The following COQ8B variants were observed in gnomAD, a reference collection of about 807,000 sequenced individuals.
COQ8B encodes atypical kinase COQ8B, mitochondrial.
In COQ8B, 44 loss-of-function variants were observed where a neutral mutation model predicts 62.0. The observed-to-expected ratio is 0.71, with a 90% CI of 0.56 to 0.91. The LOEUF (loss-of-function observed/expected upper bound fraction) is 0.91, where lower values mean the gene tolerates loss of function less well. COQ8B is among the 40% of genes least tolerant of loss of function. The pLI is 0.00. For missense variants in COQ8B, 649 were observed against 731.6 expected, an observed-to-expected ratio of 0.89 and a Z score of 1.30; for synonymous variants, 252 against 289.9, an observed-to-expected ratio of 0.87 and a Z score of 1.33.
In COQ8B at chr19:40,693,029, C is replaced by G. The variant is rs2081986325; in HGVS notation, c.1218G>C (p.Lys406Asn). The G allele has an allele frequency of 3.7e-6, 6 of 1,613,872 alleles. No homozygotes were observed. The South Asian group carries it at 6.6e-5, about 18-fold the overall frequency. ...AGTCTCTGTCTCCATCAGCTGCAGC[C>G]TTCACCACCTGGGGAGACGGGTGGG... ...EFTDHYIEVV[K>N]AAADGDRDCV... The change falls in exon 14 of 15, where the codon AAG (lysine) becomes AAC (asparagine). Residue 406 changes from lysine (K) to asparagine (N), a missense_variant. Physicochemically the swap from Lys to Asn is moderately conservative, Grantham distance 94 (BLOSUM62 0). Coordinates refer to ENST00000324464, the MANE Select transcript of COQ8B (RefSeq NM_024876.4).
rs1599922062 is a variant in COQ8B, at chr19:40,692,387, T to G, written c.1297-14A>C. ...GTCGGAGAATGCCTGGGAGTGGGGG[T>G]GGGGGGAGAGCAAAGGCAGCCAGTG... On this transcript the variant is annotated splice_polypyrimidine_tract_variant and intron_variant, in intron 14 of 14. Transcript: ENST00000324464. 2 of 1,609,406 alleles carry G rather than the reference T, an allele frequency of 1.2e-6. No homozygotes were observed. The highest frequency in any genetic ancestry group is 8.5e-7 in the Non-Finnish European group (1 of 1,178,712).
intron 13 of COQ8B, among the ~76,000 whole-genome samples, chr19:40,694,566 C>T (rs564374035): frequency 1.3e-5 from 2 of 152,152 alleles, no homozygotes; most frequent in East Asian, 3.9e-4. Flanking sequence ...ACGGGTAGCC[C>T]TGGCCTCACA....
chr19:40,696,997 G>A (rs764955691), intron 12 of COQ8B, among the ~76,000 whole-genome samples: 12 of 152,202 alleles, frequency 7.9e-5, no homozygotes, highest in Non-Finnish European at 1.5e-4. Context: ...GCTGTGTAAG[G>A]ACTTCGTTGC....
chr19:40,715,304 CCT>C (rs2082177635), intron 1 of COQ8B: 1 of 986,010 alleles, frequency 1.0e-6, no homozygotes, highest in African/African-American at 1.7e-5. Context: ...GCAAGCGTGC[CCT>C]GTCTGCCCTT....
At chr19:40,700,663 C>A in intron 10 of COQ8B, 1 of 592,732 alleles carries the variant, frequency 1.7e-6, no homozygotes, top group South Asian at 2.4e-5. Flanking sequence ...CTACTCTGCA[C>A]CTGCCTCTCA....
At chr19:40,694,237 T>G (rs552025967) in intron 13 of COQ8B, among the ~76,000 whole-genome samples, 1 of 152,184 alleles carries the variant, frequency 6.6e-6, no homozygotes, top group African/African-American at 2.4e-5. Flanking sequence ...TCTGCTCCCA[T>G]GGACTGCCAG....
rs183997863 is a variant in COQ8B, at chr19:40,710,254, C to A, written c.290-118G>T. The A allele has an allele frequency of 4.0e-4, 412 of 1,025,890 alleles. 2 individuals carry two copies. The African/African-American group carries it at 5.8e-3, about 14-fold the overall frequency. 63.5% of individuals were successfully genotyped at this position (1,025,890 alleles called of 1,614,324 possible). ...TGTCTCCCAACTCTTTTTATTTTTT[C>A]TTTTGTTTGAGATGGAGTCTCGCTC... On this transcript the variant is annotated intron_variant, in intron 4 of 14. Transcript: ENST00000324464.
rs201791035 is a variant in COQ8B, at chr19:40,714,342, C to A, written c.158G>T (p.Gly53Val). 24 of 1,614,160 alleles carry A rather than the reference C, an allele frequency of 1.5e-5. No homozygotes were observed. In the Admixed American group the frequency reaches 4.0e-4, roughly 27 times the overall value. Reference protein sequence around the residue: ...QKFYQDGPGRGLGEEDIRRAR... With the variant: ...QKFYQDGPGRVLGEEDIRRAR... The stretch of plus-strand genomic sequence containing the variant: ...CCTGCGAATGTCCTCCTCACCCAGG[C>A]CTCTCCCAGGCCCATCCTGGTAAAA... Residue 53 changes from glycine (G) to valine (V), a missense_variant, in exon 3 of 15, where the codon GGC becomes GTC. Gly to Val is a moderately radical substitution (Grantham distance 109). Transcript: ENST00000324464.
chr19:40,699,489 C>T (rs964226898), intron 12 of COQ8B, among the ~76,000 whole-genome samples: 1 of 152,174 alleles, frequency 6.6e-6, no homozygotes, highest in African/African-American at 2.4e-5. Flanking sequence ...CAGGTCCCCC[C>T]ACTGGACTGG....
Position 40,691,872 on chromosome 19 carries a change from T to A in COQ8B, c.*163A>T. On this transcript the variant is annotated 3_prime_UTR_variant, in exon 15 of 15. Coordinates refer to ENST00000324464, the MANE Select transcript of COQ8B (RefSeq NM_024876.4). Reference sequence around the variant, plus strand: ...AGGATCTAGGGCACGAAGTTGGGAGTTCCCCAGCCCCAGGGATCCTGAGCT... The same window carrying A: ...AGGATCTAGGGCACGAAGTTGGGAGATCCCCAGCCCCAGGGATCCTGAGCT... 1 of 596,134 alleles carries A rather than the reference T, an allele frequency of 1.7e-6. No individual in the cohort carries two copies. Among genetic ancestry groups the A allele is most frequent in the Non-Finnish European group, 2.6e-6 (1 of 388,442 alleles). The allele number at this position is 596,134 out of a possible 1,614,324, so 36.9% of individuals were successfully genotyped here.
At chr19:40,697,851 T>TATATATAGAG (rs1446181673) in intron 12 of COQ8B, among the ~76,000 whole-genome samples, 2 of 54,754 alleles carry the variant, frequency 3.7e-5, no homozygotes, top group African/African-American at 9.8e-5. Flanking sequence ...TATATATATA[T>TATATATAGAG]AGAGAGAGAG....
At chr19:40,703,400 G>T in intron 9 of COQ8B, 141 bp downstream of exon 9, 3 of 831,686 alleles carry the variant, frequency 3.6e-6, no homozygotes, top group Non-Finnish European at 5.5e-6. Context: ...TCCCCGCCTT[G>T]GTGTCCTTTC....
Position 40,703,320 on chromosome 19 carries a change from C to T in COQ8B, c.799+221G>A, listed in dbSNP as rs2144698740. 3 of 543,502 alleles carry T rather than the reference C, an allele frequency of 5.5e-6. No individual in the cohort carries two copies. The Admixed American group carries it at 1.1e-4, about 19-fold the overall frequency. The allele number at this position is 543,502 out of a possible 1,614,324, so 33.7% of individuals were successfully genotyped here. A position where few individuals can be genotyped will look rare whatever the true frequency, so the allele number is the denominator to read the frequency against. ...TCTGCTGCTGTATCTTGGCCCTGGG[C>T]TCCCGTCTCTCTAAGGCTCTGTTAA... On this transcript the variant is annotated intron_variant, in intron 9 of 14. Transcript: ENST00000324464.
intron 10 of COQ8B, 59 bp downstream of exon 10, chr19:40,702,541 C>A: frequency 1.9e-6 from 3 of 1,545,530 alleles, no homozygotes; most frequent in Non-Finnish European, 2.7e-6. Context: ...GAGGGGGCAG[C>A]TACTTCCCAC....
rs532720699 is a variant in COQ8B, at chr19:40,716,320, A to G, written c.-4+267T>C. On this transcript the variant is annotated intron_variant, in intron 1 of 14. Transcript: ENST00000324464. ...CAGCTCAGCCTTGGGGGCAAAATAT[A>G]TCAAAATCACCTAGGACAATAAATA... Among the ~76,000 whole-genome samples the G allele has an allele frequency of 5.3e-5, 8 of 152,226 alleles. No homozygotes were observed. The South Asian group carries it at 1.4e-3, about 28-fold the overall frequency.
chr19:40,692,428 C>G, intron 14 of COQ8B, 55 bp from the exon 15 acceptor site: 2 of 1,513,354 alleles, frequency 1.3e-6, no homozygotes, highest in Non-Finnish European at 1.8e-6. Context: ...ATAGAGCCCT[C>G]TGCATAACCC....
At chr19:40,715,380 T>A (rs748992165) in intron 1 of COQ8B, 7 of 985,422 alleles carry the variant, frequency 7.1e-6, no homozygotes, top group African/African-American at 1.7e-5. Flanking sequence ...TCTTGCAAAG[T>A]CTCCCTTACA....
chr19:40,710,161 G>C, intron 4 of COQ8B, 25 bp from the exon 5 acceptor site: 1 of 1,612,316 alleles, frequency 6.2e-7, no homozygotes, highest in South Asian at 1.1e-5. Context: ...AAGAACATGA[G>C]TGCCCGTTTG....
At chr19:40,697,847 TATATAGAG>T (rs1396055927) in intron 12 of COQ8B, among the ~76,000 whole-genome samples, 1 of 56,884 alleles carries the variant, frequency 1.8e-5, no homozygotes, top group South Asian at 5.2e-4. Context: ...TATATATATA[TATATAGAG>T]AGAGAGAGAG....
Sources: allele counts gnomAD v4.1 joint callset (sites outside exome capture counted in the v4.1 genomes callset), GRCh38; gene constraint gnomAD v4.1.1; transcripts MANE v1.5; gene names NCBI Gene and HGNC (gene_info 2026-07-23, HGNC 2026-07-21).